Variants in COLEC10 observed in about 807,000 individuals in gnomAD.
The protein encoded by COLEC10 is collectin subfamily member 10.
A neutral mutation model predicts 28.4 loss-of-function variants in COLEC10; 22 were observed. That is an observed-to-expected ratio of 0.78 (90% CI 0.55 to 1.11). The LOEUF is 1.11. Among genes scored for constraint, COLEC10 ranks in the 50% least tolerant of loss-of-function variants. COLEC10 has a pLI of 0.00. For synonymous variants in COLEC10, 125 were observed against 116.1 expected, an observed-to-expected ratio of 1.08 and a Z score of -0.49; for missense variants, 361 against 344.1, an observed-to-expected ratio of 1.05 and a Z score of -0.39.
the COLEC10 span, among the ~76,000 whole-genome samples, chr8:118,952,750 G>T: frequency 6.6e-6 from 1 of 152,148 alleles, no homozygotes. Context: ...TTCTGGAGTA[G>T]CCTCCTCGAG....
At chr8:119,085,599 CTTTT>C (rs66829005) in intron 1 of COLEC10, among the ~76,000 whole-genome samples, 25 of 63,496 alleles carry the variant, frequency 3.9e-4, no homozygotes, top group African/African-American at 5.3e-4. Flanking sequence ...TCTTCTTCTT[CTTTT>C]TTTTTTTTTT....
intron 2 of COLEC10, among the ~76,000 whole-genome samples, chr8:119,056,418 TG>T (rs1306764983): frequency 6.6e-6 from 1 of 152,070 alleles, no homozygotes; most frequent in Non-Finnish European, 1.5e-5. Flanking sequence ...TTAACTTAAC[TG>T]TCTTGTTTCA....
intron 2 of COLEC10, among the ~76,000 whole-genome samples, chr8:119,042,973 A>T (rs1814524576): frequency 6.6e-6 from 1 of 152,184 alleles, no homozygotes; most frequent in African/African-American, 2.4e-5. Flanking sequence ...GAAGGAGAAA[A>T]AAAACCATCT....
chr8:119,010,322 T>C (rs1376364353), intron 2 of COLEC10, among the ~76,000 whole-genome samples: 3 of 150,960 alleles, frequency 2.0e-5, no homozygotes, highest in Admixed American at 6.6e-5. Context: ...GTTTCCTCCA[T>C]GTCTTTTAAT....
At chr8:118,980,543 A>G in the COLEC10 span, among the ~76,000 whole-genome samples, 3 of 151,986 alleles carry the variant, frequency 2.0e-5, no homozygotes, top group East Asian at 5.8e-4. Context: ...ACCTGTCATC[A>G]AGTTAAGGAA....
At chr8:119,099,443 A>G (rs1449052826) in intron 3 of COLEC10, among the ~76,000 whole-genome samples, 1 of 152,018 alleles carries the variant, frequency 6.6e-6, no homozygotes, top group Non-Finnish European at 1.5e-5. Context: ...ATGATCTCAT[A>G]ATTTTAGGTA....
At chr8:119,014,980 T>C (rs942055930) in intron 2 of COLEC10, among the ~76,000 whole-genome samples, 1 of 151,202 alleles carries the variant, frequency 6.6e-6, no homozygotes, top group Non-Finnish European at 1.5e-5. Context: ...TGTTGCTTAG[T>C]TTAACCATTA....
At chr8:118,985,645 TATAAC>T in the COLEC10 span, among the ~76,000 whole-genome samples, 42 of 152,100 alleles carry the variant, frequency 2.8e-4, no homozygotes, top group Admixed American at 2.8e-3. Context: ...GGTCCCCAGA[TATAAC>T]ATACAGTTCT....
At chr8:119,073,012 G>C (rs899525361) in intron 1 of COLEC10, among the ~76,000 whole-genome samples, 1 of 152,176 alleles carries the variant, frequency 6.6e-6, no homozygotes, top group Non-Finnish European at 1.5e-5. Context: ...TCCCCAAACG[G>C]ATAGACAGAT....
chr8:118,981,782 A>C, the COLEC10 span, among the ~76,000 whole-genome samples: 1 of 152,124 alleles, frequency 6.6e-6, no homozygotes. Context: ...CCTGCTATTG[A>C]TGTATTTTAG....
chr8:119,016,062 A>G (rs1434364691), intron 2 of COLEC10, among the ~76,000 whole-genome samples: 1 of 152,116 alleles, frequency 6.6e-6, no homozygotes, highest in Admixed American at 6.6e-5. Flanking sequence ...GTTCTGGGAT[A>G]CATGTGCAGA....
At chr8:119,102,213 TCCC>T in intron 3 of COLEC10, 132 bp from the exon 4 acceptor site, 15 of 2,222 alleles carry the variant, frequency 6.8e-3, no homozygotes, top group Middle Eastern at 0.25. Context: ...CACTCCTTCC[TCCC>T]TCCCTCCCTC....
chr8:119,051,974 T>TA (rs1442508648), intron 2 of COLEC10, among the ~76,000 whole-genome samples: 2 of 152,156 alleles, frequency 1.3e-5, no homozygotes, highest in Non-Finnish European at 2.9e-5. Flanking sequence ...ATGAGAATGC[T>TA]AAAAGTTTTA....
chr8:119,071,539 G>T (rs1048682203), intron 1 of COLEC10, among the ~76,000 whole-genome samples: 1 of 152,146 alleles, frequency 6.6e-6, no homozygotes, highest in Non-Finnish European at 1.5e-5. Context: ...CCTCATGGAG[G>T]TCTTAGCTCA....
upstream of COLEC10, among the ~76,000 whole-genome samples, chr8:119,062,760 G>A (rs552805161): frequency 2.6e-5 from 4 of 152,254 alleles, no homozygotes; most frequent in African/African-American, 4.8e-5. Flanking sequence ...GATTACAGAT[G>A]AGAGCCACTG....
rs117706891 is a variant in COLEC10, at chr8:119,090,295, A to G, written c.220+544A>G. Among the ~76,000 whole-genome samples the G allele has an allele frequency of 3.3e-5, 5 of 152,330 alleles. No homozygotes were observed. In the East Asian group the frequency reaches 9.6e-4, roughly 29 times the overall value. Reference sequence around the variant, plus strand: ...CAAAGATGAAGAGAGTAACACAGATATGATTAGGAAGTGTCTTCACTCACA... The same window carrying G: ...CAAAGATGAAGAGAGTAACACAGATGTGATTAGGAAGTGTCTTCACTCACA... On this transcript the variant is annotated intron_variant, in intron 2 of 5. Transcript: ENST00000332843.
At chr8:119,061,187 A>T (rs1814849117) in intron 2 of COLEC10, among the ~76,000 whole-genome samples, 1 of 152,068 alleles carries the variant, frequency 6.6e-6, no homozygotes, top group Non-Finnish European at 1.5e-5. Context: ...GTTGAAAGAC[A>T]TGAGTGGAGA....
rs1021412396 is a variant in COLEC10, at chr8:119,000,254, T to C, written n.122+4681T>C. On this transcript the variant is annotated intron_variant and non_coding_transcript_variant, in intron 1 of 6. Transcript: ENST00000521788. ...ATCTTGCAATGTTTTCAGCTGAGAG[T>C]GAGAGGGGAAGAAAAGTCGGACATC... is the stretch of plus-strand genomic sequence containing the variant. 3.5e-4 allele frequency among the ~76,000 whole-genome samples: 53 copies of C among 151,872 alleles called. 1 individual carries two copies. The highest frequency in any genetic ancestry group is 4.4e-5 in the Non-Finnish European group (3 of 67,986).
intron 2 of COLEC10, among the ~76,000 whole-genome samples, chr8:119,023,890 G>T (rs1814139749): frequency 6.6e-6 from 1 of 151,134 alleles, no homozygotes; most frequent in Admixed American, 6.6e-5. Context: ...GTTTTAGAAG[G>T]GTGCATGGTA....
Sources: allele counts gnomAD v4.1 joint callset (sites outside exome capture counted in the v4.1 genomes callset), GRCh38; gene constraint gnomAD v4.1.1; transcripts MANE v1.5; gene names NCBI Gene and HGNC (gene_info 2026-07-23, HGNC 2026-07-21).